Variants in MAP4K5 observed in about 807,000 individuals in gnomAD.
MAP4K5 encodes mitogen-activated protein kinase kinase kinase kinase 5.
Under a neutral mutation model 135.6 loss-of-function variants are expected in MAP4K5, and 82 were observed. The observed-to-expected ratio is 0.60, with a 90% CI of 0.51 to 0.73. The LOEUF is 0.73. MAP4K5 is among the 30% of genes least tolerant of loss of function. The pLI is 0.00. For missense variants in MAP4K5, 907 were observed against 1,010.9 expected (o/e 0.90, Z 1.39); for synonymous variants, 347 against 335.0 (o/e 1.04, Z -0.39).
intron 28 of MAP4K5, among the ~76,000 whole-genome samples, chr14:50,433,115 G>A (rs2036011645): frequency 6.6e-6 from 1 of 152,164 alleles, no homozygotes; most frequent in Admixed American, 6.5e-5. Flanking sequence ...GGGATTATAG[G>A]TGTGAGCCAC....
intron 13 of MAP4K5, among the ~76,000 whole-genome samples, chr14:50,457,926 A>G (rs1039712957): frequency 5.9e-5 from 9 of 152,318 alleles, no homozygotes; most frequent in Non-Finnish European, 1.3e-4. Flanking sequence ...ACACTGGGAC[A>G]GCAAAATGCC....
At chr14:50,510,048 A>G (rs966165085) in intron 2 of MAP4K5, among the ~76,000 whole-genome samples, 2 of 152,176 alleles carry the variant, frequency 1.3e-5, no homozygotes, top group Non-Finnish European at 2.9e-5. Context: ...ATGCTAACAC[A>G]TTTTCAACAA....
intron 2 of MAP4K5, among the ~76,000 whole-genome samples, chr14:50,531,123 A>G (rs1490771508): frequency 6.6e-6 from 1 of 152,258 alleles, no homozygotes; most frequent in Admixed American, 6.5e-5. Context: ...AACAAAAAGC[A>G]TAAGGCAATC....
intron 3 of MAP4K5, among the ~76,000 whole-genome samples, chr14:50,501,575 AAG>A (rs1211178739): frequency 5.3e-5 from 8 of 152,212 alleles, no homozygotes; most frequent in Non-Finnish European, 7.4e-5. Flanking sequence ...AATTTTTTAC[AAG>A]AGAAACATCA....
chr14:50,543,283 C>T (rs986819533), intron 1 of MAP4K5, among the ~76,000 whole-genome samples: 2 of 152,200 alleles, frequency 1.3e-5, no homozygotes, highest in African/African-American at 4.8e-5. Context: ...GCAGAGATCC[C>T]AGTATGATAC....
chr14:50,493,402 C>T (rs2037527944), intron 3 of MAP4K5, among the ~76,000 whole-genome samples: 1 of 152,068 alleles, frequency 6.6e-6, no homozygotes, highest in Non-Finnish European at 1.5e-5. Context: ...ACAATTTGGA[C>T]CATACTCCAG....
rs746580207 is a variant in MAP4K5 at position 50,468,673 on chromosome 14, T to A, written c.652A>T (p.Met218Leu). The A allele has an allele frequency of 3.1e-5, 50 of 1,613,356 alleles. No homozygotes were observed. Among genetic ancestry groups the A allele is most frequent in the Non-Finnish European group, 4.2e-5 (50 of 1,179,574 alleles). ...CACCTCATTGGGTGGAGATCAAACA[T>A]AGGTGGCTGAAGTTCTCCAAGTTCA... ...AIELGELQPP[M>L]FDLHPMRALF... Residue 218 changes from methionine (M) to leucine (L), a missense_variant, in exon 10 of 33, where the codon ATG becomes TTG. Around this residue, in one of 3 missense-constraint regions of MAP4K5, gnomAD observed 690 missense variants for 777.4 expected, o/e 0.89. Transcript: ENST00000682126.
intron 9 of MAP4K5, among the ~76,000 whole-genome samples, chr14:50,470,907 G>A (rs2036945812): frequency 6.6e-6 from 1 of 151,918 alleles, no homozygotes; most frequent in Admixed American, 6.6e-5. Flanking sequence ...TACCAGATAT[G>A]GAATTACTGA....
At chr14:50,433,978 A>C (rs760624407) in intron 28 of MAP4K5, among the ~76,000 whole-genome samples, 3 of 152,232 alleles carry the variant, frequency 2.0e-5, no homozygotes, top group Non-Finnish European at 4.4e-5. Context: ...ACACCTAAGA[A>C]GCTTCTATTC....
At chr14:50,427,990 G>A (rs1418558571) in intron 30 of MAP4K5, among the ~76,000 whole-genome samples, 1 of 152,088 alleles carries the variant, frequency 6.6e-6, no homozygotes, top group East Asian at 1.9e-4. Flanking sequence ...GAAAGAATTG[G>A]GGGAAGTATA....
intron 14 of MAP4K5, among the ~76,000 whole-genome samples, chr14:50,452,862 C>T (rs2036521129): frequency 1.3e-5 from 2 of 152,226 alleles, no homozygotes; most frequent in Non-Finnish European, 2.9e-5. Context: ...TTGGACCAAA[C>T]TGATAACTAC....
intron 6 of MAP4K5, among the ~76,000 whole-genome samples, chr14:50,479,511 C>T (rs2037189985): frequency 6.6e-6 from 1 of 152,098 alleles, no homozygotes; most frequent in Admixed American, 6.5e-5. Context: ...CTGCTAATTT[C>T]ATCCTTTGTT....
intron 9 of MAP4K5, among the ~76,000 whole-genome samples, chr14:50,471,568 G>A (rs577586159): frequency 6.6e-6 from 1 of 152,022 alleles, no homozygotes; most frequent in Non-Finnish European, 1.5e-5. Flanking sequence ...TAACAGTGGA[G>A]AAAAACCTCA....
intron 3 of MAP4K5, among the ~76,000 whole-genome samples, chr14:50,499,628 A>T (rs2037665955): frequency 6.6e-6 from 1 of 152,080 alleles, no homozygotes; most frequent in Non-Finnish European, 1.5e-5. Context: ...ACTGCACTCC[A>T]GCCTGGGCAA....
chr14:50,524,033 T>C (rs2038207686), intron 2 of MAP4K5, among the ~76,000 whole-genome samples: 1 of 152,200 alleles, frequency 6.6e-6, no homozygotes, highest in African/African-American at 2.4e-5. Flanking sequence ...ATCCATCCTA[T>C]GTTTTTTCCT....
At chr14:50,426,948 G>C (rs2035860482) in intron 30 of MAP4K5, among the ~76,000 whole-genome samples, 1 of 152,144 alleles carries the variant, frequency 6.6e-6, no homozygotes, top group African/African-American at 2.4e-5. Flanking sequence ...TTTGTAAAAA[G>C]TTAATGTAAG....
At chr14:50,493,140 C>T (rs769251556) in intron 3 of MAP4K5, among the ~76,000 whole-genome samples, 1 of 152,168 alleles carries the variant, frequency 6.6e-6, no homozygotes, top group Non-Finnish European at 1.5e-5. Flanking sequence ...CTTGCTGTCA[C>T]CCAGGCTGGA....
At chr14:50,498,606 A>G (rs1459366272) in intron 3 of MAP4K5, among the ~76,000 whole-genome samples, 1 of 152,220 alleles carries the variant, frequency 6.6e-6, no homozygotes, top group Non-Finnish European at 1.5e-5. Context: ...AAAATTTTGA[A>G]TATAGCATTA....
intron 6 of MAP4K5, among the ~76,000 whole-genome samples, chr14:50,481,270 C>T (rs917942109): frequency 6.7e-6 from 1 of 149,940 alleles, no homozygotes; most frequent in African/African-American, 2.4e-5. Context: ...CACATACGTA[C>T]ATACATATAT....
Sources: allele counts gnomAD v4.1 joint callset (sites outside exome capture counted in the v4.1 genomes callset), GRCh38; gene constraint gnomAD v4.1.1; regional missense constraint gnomAD v4.1.1; transcripts MANE v1.5; gene names NCBI Gene and HGNC (gene_info 2026-07-23, HGNC 2026-07-21).